The following LINGO2 variants were observed in gnomAD, a reference collection of about 807,000 sequenced individuals.
LINGO2 encodes the protein leucine rich repeat and Ig domain containing 2, also known as leucine-rich repeat and immunoglobulin-like domain-containing nogo receptor-interacting protein 2.
LINGO2 carries 14 observed loss-of-function variants against 30.6 expected under a neutral mutation model. The observed-to-expected ratio is 0.46, with a 90% confidence interval of 0.30 to 0.72. LINGO2 has a LOEUF of 0.72. LINGO2 is among the 30% of genes least tolerant of loss of function. LINGO2 has a pLI of 0.07. For synonymous variants in LINGO2, 317 were observed against 288.5 expected, an observed-to-expected ratio of 1.10 and a Z score of -1.00; for missense variants, 729 against 751.7, an observed-to-expected ratio of 0.97 and a Z score of 0.35.
the LINGO2 span, among the ~76,000 whole-genome samples, chr9:29,126,021 T>C: frequency 2.6e-5 from 4 of 152,152 alleles, no homozygotes; most frequent in Non-Finnish European, 5.9e-5. Context: ...ATAACATTAC[T>C]ATTAGAAATC....
the LINGO2 span, among the ~76,000 whole-genome samples, chr9:28,706,022 C>CTAAACTTACTCTAAA: frequency 6.6e-6 from 1 of 152,162 alleles, no homozygotes; most frequent in Middle Eastern, 3.4e-3. Flanking sequence ...AACTTACACT[C>CTAAACTTACTCTAAA]CAGCTTTTCA....
chr9:28,898,414 T>C, the LINGO2 span, among the ~76,000 whole-genome samples: 3 of 152,272 alleles, frequency 2.0e-5, no homozygotes, highest in East Asian at 5.8e-4. Flanking sequence ...AATTTAAATT[T>C]GACAGTCTAT....
chr9:28,967,972 A>G, the LINGO2 span, among the ~76,000 whole-genome samples: 11 of 152,184 alleles, frequency 7.2e-5, no homozygotes, highest in Non-Finnish European at 5.9e-5. Flanking sequence ...TTTTATTCAA[A>G]TAACATACAT....
chr9:28,650,677 T>C (rs1313250593), intron 1 of LINGO2, among the ~76,000 whole-genome samples: 1 of 152,188 alleles, frequency 6.6e-6, no homozygotes, highest in Non-Finnish European at 1.5e-5. Flanking sequence ...GCTGTTTTCT[T>C]CTTTCTACTT....
rs558780568 is a variant in LINGO2 at position 28,182,528 on chromosome 9, A to G, written c.-87+112680T>C. ...AAACTATCATCATAGTGAACAGGCA[A>G]CCTACAGAATGGGAGAATATTTTTG... On this transcript the variant is annotated intron_variant, in intron 4 of 5. Transcript: ENST00000379992. Among the ~76,000 whole-genome samples, 11 of 152,356 alleles carry G rather than the reference A, an allele frequency of 7.2e-5. No individual in the cohort carries two copies. The East Asian group carries it at 2.1e-3, about 29-fold the overall frequency.
chr9:28,241,415 G>A (rs999673668), intron 4 of LINGO2, among the ~76,000 whole-genome samples: 1 of 152,046 alleles, frequency 6.6e-6, no homozygotes, highest in East Asian at 1.9e-4. Flanking sequence ...AGTGGTAACC[G>A]AGGTATCAGG....
At chr9:28,478,235 C>T (rs1825800484) in intron 1 of LINGO2, among the ~76,000 whole-genome samples, 1 of 152,146 alleles carries the variant, frequency 6.6e-6, no homozygotes, top group Non-Finnish European at 1.5e-5. Flanking sequence ...TTATACCAAA[C>T]AACAACATTT....
chr9:29,078,575 G>A, the LINGO2 span, among the ~76,000 whole-genome samples: 1 of 151,912 alleles, frequency 6.6e-6, no homozygotes, highest in Non-Finnish European at 1.5e-5. Context: ...CGGGAAATAA[G>A]AGTACAGCAT....
At chr9:28,906,372 G>T in the LINGO2 span, among the ~76,000 whole-genome samples, 1 of 151,464 alleles carries the variant, frequency 6.6e-6, no homozygotes, top group Non-Finnish European at 1.5e-5. Context: ...CTTTCCAAAT[G>T]TATACATATT....
chr9:28,206,598 T>A (rs1820418154), intron 4 of LINGO2, among the ~76,000 whole-genome samples: 1 of 152,176 alleles, frequency 6.6e-6, no homozygotes, highest in South Asian at 2.1e-4. Context: ...TGAACTAGAA[T>A]GACTCCATAA....
intron 2 of LINGO2, among the ~76,000 whole-genome samples, chr9:28,425,374 C>T (rs189626800): frequency 6.7e-6 from 1 of 150,284 alleles, no homozygotes; most frequent in African/African-American, 2.4e-5. Context: ...TATATTGGCT[C>T]AATTATCCAC....
chr9:28,902,170 A>C, the LINGO2 span, among the ~76,000 whole-genome samples: 1 of 152,204 alleles, frequency 6.6e-6, no homozygotes, highest in African/African-American at 2.4e-5. Flanking sequence ...GAGATAGGAA[A>C]AAATATTTCA....
intron 5 of LINGO2, among the ~76,000 whole-genome samples, chr9:27,965,279 T>A (rs1820044153): frequency 1.3e-5 from 2 of 152,088 alleles, no homozygotes; most frequent in Admixed American, 6.6e-5. Context: ...CAGTATTTTT[T>A]TTTCAGTCCA....
At chr9:28,045,669 T>G (rs1824388114) in intron 4 of LINGO2, among the ~76,000 whole-genome samples, 1 of 152,184 alleles carries the variant, frequency 6.6e-6, no homozygotes, top group Admixed American at 6.5e-5. Context: ...CTTGGAATAT[T>G]GACCAAATTA....
the LINGO2 span, among the ~76,000 whole-genome samples, chr9:28,754,937 G>T: frequency 1.3e-5 from 2 of 151,960 alleles, no homozygotes; most frequent in South Asian, 2.1e-4. Context: ...AGCCTTATCT[G>T]TTTATTTCTA....
At chr9:28,437,527 A>T (rs1173769953) in intron 2 of LINGO2, among the ~76,000 whole-genome samples, 1 of 147,584 alleles carries the variant, frequency 6.8e-6, no homozygotes, top group Non-Finnish European at 1.5e-5. Context: ...TCCTATACAC[A>T]CAGACACATA....
chr9:28,716,394 C>A, the LINGO2 span, among the ~76,000 whole-genome samples: 1 of 151,996 alleles, frequency 6.6e-6, no homozygotes, highest in East Asian at 1.9e-4. Context: ...AATATTCAGA[C>A]TAAGTAAATC....
chr9:29,088,662 A>G, the LINGO2 span, among the ~76,000 whole-genome samples: 64 of 152,298 alleles, frequency 4.2e-4, no homozygotes, highest in East Asian at 0.011. Flanking sequence ...TCCTTGGCAA[A>G]TATATTACAC....
chr9:28,029,814 C>T (rs1368693413), intron 4 of LINGO2, among the ~76,000 whole-genome samples: 2 of 152,164 alleles, frequency 1.3e-5, no homozygotes, highest in African/African-American at 4.8e-5. Flanking sequence ...ACAAATTCTT[C>T]AACTGTTGTA....
Sources: gnomAD v4.1 joint callset for allele counts (sites outside exome capture counted in the v4.1 genomes callset) on GRCh38, gnomAD v4.1.1 for gene constraint, MANE v1.5 for transcripts, NCBI Gene and HGNC (gene_info 2026-07-23, HGNC 2026-07-21) for gene names.